TXNRD2: variants seen among roughly 807,000 people sequenced by gnomAD.
The protein encoded by TXNRD2 is thioredoxin reductase 2, mitochondrial.
A neutral mutation model predicts 70.8 loss-of-function variants in TXNRD2; 67 were observed. The observed-to-expected ratio is 0.95, with a 90% CI of 0.78 to 1.16. The LOEUF (loss-of-function observed/expected upper bound fraction) is 1.16. Among genes scored for constraint, TXNRD2 ranks in the 50% most tolerant of loss-of-function variants. The pLI is 0.00. For synonymous variants in TXNRD2, 301 were observed against 295.8 expected (o/e 1.02, Z -0.18); for missense variants, 644 against 719.9 (o/e 0.89, Z 1.21).
chr22:19,915,852 T>C lies in TXNRD2; in HGVS notation c.450-9A>G, dbSNP rs1457524291. ...TAAAGTACTTGACTTTTCTGAAAGA[T>C]AAAGATAAGATTTTCAAACACTTCC... On this transcript the variant is annotated splice_polypyrimidine_tract_variant and intron_variant, in intron 5 of 17. Coordinates refer to ENST00000400521, the MANE Select transcript of TXNRD2 (RefSeq NM_006440.5). The C allele has an allele frequency of 1.2e-6, 2 of 1,612,856 alleles. No individual in the cohort carries two copies. Among genetic ancestry groups the C allele is most frequent in the Non-Finnish European group, 1.7e-6 (2 of 1,179,082 alleles).
chr22:19,900,173 C>G (rs1363385829), intron 8 of TXNRD2, among the ~76,000 whole-genome samples: 1 of 152,184 alleles, frequency 6.6e-6, no homozygotes, highest in South Asian at 2.1e-4. Context: ...CTCTGTTGGC[C>G]GGCTGAGCAC....
chr22:19,903,235 G>A (rs560345982), intron 8 of TXNRD2, among the ~76,000 whole-genome samples: 3 of 152,372 alleles, frequency 2.0e-5, no homozygotes, highest in Admixed American at 2.0e-4. Flanking sequence ...GGGCTACAGA[G>A]CTGGCAGCAG....
Position 19,932,632 on chromosome 22 carries a change from G to A in TXNRD2, c.104-1534C>T, listed in dbSNP as rs555573437. 1.1e-5 allele frequency: 15 copies of A among 1,377,566 alleles called. No individual in the cohort carries two copies. The Admixed American group carries it at 2.1e-4, about 19-fold the overall frequency. The allele number at this position is 1,377,566 out of a possible 1,614,324, so 85.3% of individuals were successfully genotyped here. The stretch of plus-strand genomic sequence containing the variant: ...TAGCAAGTCATCAGTCTGCTGGGGT[G>A]AGGGCAGGGTGGGGACTGATGACAA... On this transcript the variant is annotated intron_variant, in intron 1 of 17. Coordinates refer to ENST00000400521, the MANE Select transcript of TXNRD2 (RefSeq NM_006440.5).
Position 19,880,663 on chromosome 22 carries a change from G to A in TXNRD2, c.1141C>T (p.Arg381Trp), listed in dbSNP as rs377714537. The change falls in exon 13 of 18, where the codon CGG (arginine) becomes TGG (tryptophan). Residue 381 changes from arginine (R) to tryptophan (W), a missense_variant. Arg to Trp is a moderately radical substitution (Grantham distance 101, BLOSUM62 -3). Coordinates refer to ENST00000400521, the MANE Select transcript of TXNRD2 (RefSeq NM_006440.5). ...AGATCTGAGGACCCGCCGAAGAGCC[G>A]CTGCACCAGGAGCCTCCCGGCCATG... ...AIMAGRLLVQ[R>W]LFGGSSDLMD... The A allele has an allele frequency of 1.2e-5, 20 of 1,613,238 alleles. No homozygotes were observed. The highest frequency in any genetic ancestry group is 8.9e-5 in the East Asian group (4 of 44,894).
intron 11 of TXNRD2, chr22:19,895,090 T>G (rs779164277): frequency 6.3e-7 from 1 of 1,597,502 alleles, no homozygotes; most frequent in South Asian, 1.1e-5. Context: ...GCGAGGATGA[T>G]TGCCTAGTTG....
In TXNRD2 at chr22:19,918,981, T is replaced by C; in HGVS notation, c.253A>G (p.Thr85Ala). The change falls in exon 4 of 18, where the codon ACC becomes GCC. Residue 85 changes from threonine to alanine, a missense_variant. Coordinates refer to ENST00000400521, the MANE Select transcript of TXNRD2 (RefSeq NM_006440.5). ...GGGATGCAGCCCACGTTGACGCAGG[T>C]GCCGCCGAGGCCCCACCGGGTGCCT... ...PQGTRWGLGG[T>A]CVNVGCIPKK... 6.2e-7 allele frequency: 1 copy of C among 1,611,568 alleles called. No individual in the cohort carries two copies. Among genetic ancestry groups the C allele is most frequent in the South Asian group, 1.1e-5 (1 of 91,042 alleles).
At chr22:19,882,612 A>G (rs988062596) in intron 12 of TXNRD2, among the ~76,000 whole-genome samples, 3 of 152,184 alleles carry the variant, frequency 2.0e-5, no homozygotes, top group Admixed American at 6.5e-5. Flanking sequence ...GGACGCAGAC[A>G]CTGACAGGTC....
intron 8 of TXNRD2, among the ~76,000 whole-genome samples, chr22:19,904,527 T>A (rs55655113): frequency 6.6e-6 from 1 of 152,094 alleles, no homozygotes; most frequent in East Asian, 1.9e-4. Context: ...AAAAGTGGCA[T>A]GGTACGACCT....
intron 12 of TXNRD2, among the ~76,000 whole-genome samples, chr22:19,882,127 G>A (rs1168235472): frequency 6.6e-6 from 1 of 152,182 alleles, no homozygotes; most frequent in Non-Finnish European, 1.5e-5. Flanking sequence ...AGAGAGAGGA[G>A]TGATATAGCC....
At position 19,883,517 on chromosome 22, in the gene TXNRD2, C is replaced by T. The variant is rs563745665; in HGVS notation, c.950-56G>A. 1.8e-4 allele frequency: 295 copies of T among 1,611,376 alleles called. 3 individuals carry two copies. In the South Asian group the frequency reaches 2.7e-3, roughly 15 times the overall value. On this transcript the variant is annotated intron_variant, in intron 11 of 17. Transcript: ENST00000400521. ...TATCTTCAGTGGCTTTGACCTAGAG[C>T]GGTTGTGTTTAAACTGTTTCTCAGA...
At chr22:19,893,808 T>C (rs1469950345) in intron 11 of TXNRD2, 1 of 152,242 alleles carries the variant, frequency 6.6e-6, no homozygotes, top group African/African-American at 2.4e-5. Flanking sequence ...GAAATGTGAC[T>C]TCTGGAAAGG....
chr22:19,934,862 C>T (rs1015011198), intron 1 of TXNRD2, among the ~76,000 whole-genome samples: 4 of 152,014 alleles, frequency 2.6e-5, no homozygotes, highest in Admixed American at 6.6e-5. Flanking sequence ...GCGCCTGGGC[C>T]CCCAAGTAAT....
At chr22:19,920,885 G>A (rs754795174) in intron 2 of TXNRD2, among the ~76,000 whole-genome samples, 5 of 152,220 alleles carry the variant, frequency 3.3e-5, no homozygotes, top group East Asian at 1.9e-4. Flanking sequence ...GGCAGATCAC[G>A]AGGGCAGGAG....
At chr22:19,888,457 T>C (rs1470710655) in intron 11 of TXNRD2, among the ~76,000 whole-genome samples, 1 of 152,142 alleles carries the variant, frequency 6.6e-6, no homozygotes, top group African/African-American at 2.4e-5. Context: ...CTCTCATCCA[T>C]GATGGGAAGA....
At position 19,931,013 on chromosome 22, in the gene TXNRD2, G is replaced by A; in HGVS notation, c.172+17C>T. On this transcript the variant is annotated intron_variant, in intron 2 of 17. Transcript: ENST00000400521. ...AAAAGCTTCGAGGCCTTGCCACGAA[G>A]TATACAGAATACATACCCTCCTTGG... The A allele has an allele frequency of 1.2e-6, 2 of 1,613,060 alleles. No homozygotes were observed. The highest frequency in any genetic ancestry group is 1.7e-6 in the Non-Finnish European group (2 of 1,179,452).
At chr22:19,914,038 C>T (rs946639966) in intron 7 of TXNRD2, among the ~76,000 whole-genome samples, 3 of 152,128 alleles carry the variant, frequency 2.0e-5, no homozygotes, top group African/African-American at 7.2e-5. Context: ...AATCTGGTTT[C>T]CAAAGTTATC....
intron 1 of TXNRD2, among the ~76,000 whole-genome samples, chr22:19,935,679 C>T (rs1043036809): frequency 2.6e-5 from 4 of 152,170 alleles, no homozygotes; most frequent in African/African-American, 9.7e-5. Flanking sequence ...CTGTAAAATT[C>T]CTCTTTGTAC....
Position 19,931,114 on chromosome 22 carries a change from A to C in TXNRD2, c.104-16T>G, listed in dbSNP as rs763064131. 2.5e-6 allele frequency: 4 copies of C among 1,612,348 alleles called. No individual in the cohort carries two copies. In the Admixed American group the frequency reaches 6.7e-5, roughly 27 times the overall value. ...CGCTGACCTGCTGAGAGAAGGGATG[A>C]GAGGTGGGACGGACTGTCTGTCTGG... On this transcript the variant is annotated splice_polypyrimidine_tract_variant and intron_variant, in intron 1 of 17. Coordinates refer to ENST00000400521, the MANE Select transcript of TXNRD2 (RefSeq NM_006440.5).
intron 6 of TXNRD2, 76 bp downstream of exon 6, chr22:19,915,689 C>A: frequency 7.2e-7 from 1 of 1,382,230 alleles, no homozygotes; most frequent in East Asian, 2.3e-5. Flanking sequence ...GCACCCAGGC[C>A]AAACACAGCT....
Sources: allele counts gnomAD v4.1 joint callset (sites outside exome capture counted in the v4.1 genomes callset), GRCh38; gene constraint gnomAD v4.1.1; transcripts MANE v1.5; gene names NCBI Gene and HGNC (gene_info 2026-07-23, HGNC 2026-07-21).